Variants in DROSHA observed in about 807,000 individuals in gnomAD.
DROSHA encodes ribonuclease 3.
In DROSHA, 56 loss-of-function variants were observed where a neutral mutation model predicts 181.9. The observed-to-expected ratio is 0.31, with a 90% CI of 0.25 to 0.38. DROSHA has a LOEUF of 0.38. Ranked by LOEUF, DROSHA falls within the 10% of genes least tolerant of loss-of-function variation. DROSHA has a pLI of 1.00. For synonymous variants in DROSHA, 524 were observed against 591.2 expected (o/e 0.89, Z 1.65); for missense variants, 1,218 against 1,743.5 (o/e 0.70, Z 5.37).
At chr5:31,473,020 A>G (rs894917717) in intron 16 of DROSHA, among the ~76,000 whole-genome samples, 1 of 152,232 alleles carries the variant, frequency 6.6e-6, no homozygotes, top group African/African-American at 2.4e-5. Context: ...CTGGACCAAC[A>G]TGGGCAACCA....
chr5:31,493,937 T>TTGTGTGTGTGTGTGTGTG (rs67311624), intron 12 of DROSHA, among the ~76,000 whole-genome samples: 19 of 144,714 alleles, frequency 1.3e-4, no homozygotes, highest in African/African-American at 4.8e-4. Flanking sequence ...TAACCCACCA[T>TTGTGTGTGTGTGTGTGTG]TGTGTGTGTG....
At chr5:31,478,725 A>G (rs535903144) in intron 16 of DROSHA, among the ~76,000 whole-genome samples, 1 of 152,182 alleles carries the variant, frequency 6.6e-6, no homozygotes, top group African/African-American at 2.4e-5. Flanking sequence ...GAAGAGTGAG[A>G]CTCTGTCTCA....
At chr5:31,465,054 C>A (rs1748850680) in intron 19 of DROSHA, among the ~76,000 whole-genome samples, 1 of 151,276 alleles carries the variant, frequency 6.6e-6, no homozygotes, top group African/African-American at 2.4e-5. Flanking sequence ...CATGGAACTA[C>A]CTTTTTCCTT....
At chr5:31,440,496 A>G (rs1033618634) in intron 23 of DROSHA, among the ~76,000 whole-genome samples, 23 of 152,196 alleles carry the variant, frequency 1.5e-4, no homozygotes, top group African/African-American at 5.5e-4. Context: ...CTACCCTACT[A>G]TTCCTCCACA....
In DROSHA at chr5:31,526,570, T is replaced by G; in HGVS notation, c.363A>C (p.Pro121=). Residue 121 remains proline (P), a synonymous_variant, in exon 5 of 36, where the codon CCA becomes CCC. Coordinates refer to ENST00000344624, the MANE Select transcript of DROSHA (RefSeq NM_001382508.1). ...GGTTATTAGGACAAGGCATTGGTGG[T>G]GGCATGGGAGGAAAACAAGGAGGAA... ...FPVPPCFPPM[P]PPMPCPNNPP... The G allele has an allele frequency of 6.6e-7, 1 of 1,511,090 alleles. No individual in the cohort carries two copies. The highest frequency in any genetic ancestry group is 8.8e-7 in the Non-Finnish European group (1 of 1,134,380). The allele number at this position is 1,511,090 out of a possible 1,614,324, so 93.6% of individuals were successfully genotyped here.
intron 8 of DROSHA, among the ~76,000 whole-genome samples, chr5:31,513,647 T>C (rs947872127): frequency 6.6e-6 from 1 of 152,176 alleles, no homozygotes; most frequent in African/African-American, 2.4e-5. Flanking sequence ...CACAGAAATC[T>C]CCTTTCAAGC....
At chr5:31,423,131 G>T (rs181057990) in intron 28 of DROSHA, 187 bp from the exon 29 acceptor site, 14 of 550,976 alleles carry the variant, frequency 2.5e-5, no homozygotes, top group East Asian at 7.1e-5. Flanking sequence ...TTTAAAGAAG[G>T]TTCAAATAAT....
At chr5:31,502,429 A>G (rs1292077276) in intron 11 of DROSHA, among the ~76,000 whole-genome samples, 1 of 152,210 alleles carries the variant, frequency 6.6e-6, no homozygotes, top group Non-Finnish European at 1.5e-5. Flanking sequence ...AATACTCCAG[A>G]TGTGCTACTG....
At chr5:31,437,602 T>C (rs1399196117) in intron 23 of DROSHA, among the ~76,000 whole-genome samples, 5 of 152,114 alleles carry the variant, frequency 3.3e-5, no homozygotes, top group Non-Finnish European at 7.4e-5. Flanking sequence ...AGTATTTCCA[T>C]ACTACTATCA....
In DROSHA at chr5:31,515,138, T is replaced by G. The variant is rs202183936; in HGVS notation, c.1140A>C (p.Lys380Asn). The G allele has an allele frequency of 6.2e-7, 1 of 1,614,004 alleles. No individual in the cohort carries two copies. The highest frequency in any genetic ancestry group is 1.7e-5 in the Admixed American group (1 of 60,024). ...DRWSDNQSSG[K>N]DKNYTSIKEK... is the part of the protein sequence containing the mutation. ...CCTTGATTGAGGTATAGTTCTTGTC[T>G]TTGCCAGAACTCTGGTTGTCACTCC... Residue 380 changes from lysine (K) to asparagine (N), a missense_variant, in exon 8 of 36, where the codon AAA (lysine) becomes AAC (asparagine). Coordinates refer to ENST00000344624, the MANE Select transcript of DROSHA (RefSeq NM_001382508.1).
At chr5:31,477,466 T>C (rs1025863171) in intron 16 of DROSHA, among the ~76,000 whole-genome samples, 1 of 152,224 alleles carries the variant, frequency 6.6e-6, no homozygotes, top group Non-Finnish European at 1.5e-5. Flanking sequence ...CTTTTCTAAA[T>C]TTTCCAAATG....
rs1200410533 is a variant in DROSHA, at chr5:31,467,976, T to C, written c.2329A>G (p.Ile777Val). The change falls in exon 18 of 36, where the codon ATA becomes GTA. Residue 777 changes from isoleucine to valine, a missense_variant. Transcript: ENST00000344624. ...GCATAACTCAACTGTGCAGGGCGTA[T>C]CCCAAAGTGGACGATAATCGGAAAA... ...ITFPIIVHFG[I>V]RPAQLSYAGD... 1 of 1,611,874 alleles carries C rather than the reference T, an allele frequency of 6.2e-7. No individual in the cohort carries two copies. Among genetic ancestry groups the C allele is most frequent in the Non-Finnish European group, 8.5e-7 (1 of 1,179,066 alleles).
Position 31,400,708 on chromosome 5 carries a change from T to A in DROSHA, c.*724A>T, listed in dbSNP as rs1443063155. The A allele has an allele frequency of 6.6e-6, 1 of 152,324 alleles. No homozygotes were observed. Among genetic ancestry groups the A allele is most frequent in the Non-Finnish European group, 1.5e-5 (1 of 68,144 alleles). 9.4% of individuals were successfully genotyped at this position (152,324 alleles called of 1,614,324 possible). A position where few individuals can be genotyped will look rare whatever the true frequency, so the allele number is the denominator to read the frequency against. ...ACACACAGAAAATTGAATATAGTAT[T>A]GGGAGGTTTTTGACTTCCTTGAAGT... is the stretch of plus-strand genomic sequence containing the variant. On this transcript the variant is annotated 3_prime_UTR_variant, in exon 36 of 36. Coordinates refer to ENST00000344624, the MANE Select transcript of DROSHA (RefSeq NM_001382508.1).
At chr5:31,438,456 G>T (rs770113233) in intron 23 of DROSHA, among the ~76,000 whole-genome samples, 1 of 152,162 alleles carries the variant, frequency 6.6e-6, no homozygotes, top group Non-Finnish European at 1.5e-5. Flanking sequence ...GATAGCTGGC[G>T]CTGGGATTTG....
intron 23 of DROSHA, among the ~76,000 whole-genome samples, chr5:31,439,589 G>A (rs1745312380): frequency 6.6e-6 from 1 of 152,052 alleles, no homozygotes; most frequent in Admixed American, 6.6e-5. Context: ...TTCTATTATT[G>A]TTGCTGTTAA....
At chr5:31,430,176 T>G (rs540885922) in intron 26 of DROSHA, among the ~76,000 whole-genome samples, 3 of 152,252 alleles carry the variant, frequency 2.0e-5, no homozygotes, top group African/African-American at 7.2e-5. Context: ...TACTTTTCCA[T>G]GTAAAATGTT....
At position 31,501,077 on chromosome 5, in the gene DROSHA, AC is replaced by A. The variant is rs1753527691; in HGVS notation, c.1668+3477del. On this transcript the variant is annotated intron_variant, in intron 11 of 35. Transcript: ENST00000344624. ...AGATCCCAGGAGGAAGGATCCTGTAACAAAATAACAGCCCTGTCATTCCCCA... is the reference window on the plus strand; with the variant it reads ...AGATCCCAGGAGGAAGGATCCTGTAAAAAATAACAGCCCTGTCATTCCCCA... Among the ~76,000 whole-genome samples the A allele has an allele frequency of 7.2e-5, 11 of 152,348 alleles. No homozygotes were observed. The South Asian group carries it at 2.3e-3, about 32-fold the overall frequency.
chr5:31,415,397 T>C (rs1741816168), intron 30 of DROSHA, among the ~76,000 whole-genome samples: 1 of 152,214 alleles, frequency 6.6e-6, no homozygotes, highest in African/African-American at 2.4e-5. Flanking sequence ...GGTACATAAA[T>C]GCTAGCAGGC....
intron 17 of DROSHA, among the ~76,000 whole-genome samples, chr5:31,471,588 A>C (rs1200084424): frequency 6.6e-6 from 1 of 152,160 alleles, no homozygotes; most frequent in Non-Finnish European, 1.5e-5. Context: ...ATAAAAAAGA[A>C]GGCTACAAAA....
Sources: allele counts gnomAD v4.1 joint callset (sites outside exome capture counted in the v4.1 genomes callset), GRCh38; gene constraint gnomAD v4.1.1; transcripts MANE v1.5; gene names NCBI Gene and HGNC (gene_info 2026-07-23, HGNC 2026-07-21).